BRIP1: variants seen among roughly 807,000 people sequenced by gnomAD.
BRIP1 encodes the protein Fanconi anemia group J protein.
A neutral mutation model predicts 119.7 loss-of-function variants in BRIP1; 88 were observed. The ratio of observed to expected loss-of-function variants is 0.74; its 90% CI spans 0.62 to 0.88. The LOEUF (loss-of-function observed/expected upper bound fraction) is 0.88. Among genes scored for constraint, BRIP1 ranks in the 40% least tolerant of loss-of-function variants. The pLI is 0.00. For missense variants in BRIP1, 1,259 were observed against 1,455.4 expected (o/e 0.87, Z 2.20); for synonymous variants, 443 against 496.5 (o/e 0.89, Z 1.43).
rs946151099 is a variant in BRIP1 at position 61,805,891 on chromosome 17, CA to C, written c.918+2575del. Among the ~76,000 whole-genome samples, 3 of 151,750 alleles carry C rather than the reference CA, an allele frequency of 2.0e-5. No individual in the cohort carries two copies. In the South Asian group the frequency reaches 6.2e-4, roughly 31 times the overall value. On this transcript the variant is annotated intron_variant, in intron 7 of 19. Transcript: ENST00000259008. This position sits in a 1 kb window ranked among gnomAD's most constrained non-coding sequence, Gnocchi z 5.6. Reference sequence around the variant, plus strand: ...ATGAGCTATTAAGTCTCATTTTAACCAAAAAAAGATATATATCTAAAATAAT... The same window carrying C: ...ATGAGCTATTAAGTCTCATTTTAACCAAAAAAGATATATATCTAAAATAAT...
chr17:61,807,684 TA>T lies in BRIP1; in HGVS notation c.918+782del, dbSNP rs2078094442. Reference sequence around the variant, plus strand: ...GTGAAAAACAAAACAACTCTAAAAATATATTAAAATATCATTGGTCACTTCA... The same window carrying T: ...GTGAAAAACAAAACAACTCTAAAAATTATTAAAATATCATTGGTCACTTCA... On this transcript the variant is annotated intron_variant, in intron 7 of 19. Transcript: ENST00000259008. This position sits in a 1 kb window ranked among gnomAD's most constrained non-coding sequence, Gnocchi z 4.5. Among the ~76,000 whole-genome samples the T allele has an allele frequency of 6.6e-6, 1 of 152,102 alleles. No homozygotes were observed. The highest frequency in any genetic ancestry group is 2.1e-4 in the South Asian group (1 of 4,830).
rs2077173845 is a variant in BRIP1 at position 61,754,467 on chromosome 17, A to G, written c.2098-9876T>C. On this transcript the variant is annotated intron_variant, in intron 14 of 19. Transcript: ENST00000259008. The surrounding 1 kb of genome is among the most constrained non-coding windows in gnomAD (Gnocchi z 4.1). ...ATGAGCACCCTCCAGCCCCCACCCAAAAAAATTCCAACCCCAGGATCCTCT... is the reference window on the plus strand; with the variant it reads ...ATGAGCACCCTCCAGCCCCCACCCAGAAAAATTCCAACCCCAGGATCCTCT... 6.6e-6 allele frequency among the ~76,000 whole-genome samples: 1 copy of G among 152,002 alleles called. No homozygotes were observed. The highest frequency in any genetic ancestry group is 1.9e-4 in the East Asian group (1 of 5,178).
At position 61,852,054 on chromosome 17, in the gene BRIP1, G is replaced by A. The variant is rs2078829895; in HGVS notation, c.380-2798C>T. On this transcript the variant is annotated intron_variant, in intron 4 of 19. Transcript: ENST00000259008. The surrounding 1 kb of genome is among the most constrained non-coding windows in gnomAD (Gnocchi z 4.9). Reference sequence around the variant, plus strand: ...CACTCAAAATGTTAATAGTGCCACTGTGGAGAAACTCTGTCCCAAATAAAT... The same window carrying A: ...CACTCAAAATGTTAATAGTGCCACTATGGAGAAACTCTGTCCCAAATAAAT... Among the ~76,000 whole-genome samples, 1 of 152,186 alleles carries A rather than the reference G, an allele frequency of 6.6e-6. No individual in the cohort carries two copies. Among genetic ancestry groups the A allele is most frequent in the Non-Finnish European group, 1.5e-5 (1 of 68,044 alleles).
intron 14 of BRIP1, among the ~76,000 whole-genome samples, chr17:61,773,283 C>G (rs2077486003): frequency 6.6e-6 from 1 of 152,068 alleles, no homozygotes; most frequent in African/African-American, 2.4e-5. Context: ...CAAAACCTGA[C>G]AAACTTGATA....
chr17:61,861,484 T>G lies in BRIP1; in HGVS notation c.56A>C (p.Tyr19Ser), dbSNP rs876660880. ...TIGGVKIYFPYKAYPSQLAMM... is the reference protein window; with the variant it reads ...TIGGVKIYFPSKAYPSQLAMM... Reference sequence around the variant, plus strand: ...AGCAAGCTGTGACGGGTAAGCTTTATAAGGAAAGTAAATCTTCACCCCACC... The same window carrying G: ...AGCAAGCTGTGACGGGTAAGCTTTAGAAGGAAAGTAAATCTTCACCCCACC... Residue 19 changes from tyrosine (Y) to serine (S), a missense_variant, in exon 2 of 20, where the codon TAT (tyrosine) becomes TCT (serine). By Grantham distance (144) the Tyr-to-Ser change is moderately radical. Coordinates refer to ENST00000259008, the MANE Select transcript of BRIP1 (RefSeq NM_032043.3). This position sits in a 1 kb window ranked among gnomAD's most constrained non-coding sequence, Gnocchi z 4.5. The G allele has an allele frequency of 6.2e-7, 1 of 1,613,466 alleles. No individual in the cohort carries two copies. Among genetic ancestry groups the G allele is most frequent in the Non-Finnish European group, 8.5e-7 (1 of 1,179,532 alleles).
rs766569933 is a variant in BRIP1, at chr17:61,808,425, T to G, written c.918+42A>C. ...ACACATACTGAGTAATTTAAATATTTTCAGCCTTATTTTTTCTCTAACACA... is the reference window on the plus strand; with the variant it reads ...ACACATACTGAGTAATTTAAATATTGTCAGCCTTATTTTTTCTCTAACACA... On this transcript the variant is annotated intron_variant, in intron 7 of 19. Transcript: ENST00000259008. This position sits in a 1 kb window ranked among gnomAD's most constrained non-coding sequence, Gnocchi z 4.1. 3.3e-5 allele frequency: 51 copies of G among 1,554,344 alleles called. No individual in the cohort carries two copies. The highest frequency in any genetic ancestry group is 4.3e-5 in the Non-Finnish European group (49 of 1,126,942).
Position 61,755,346 on chromosome 17 carries a change from G to C in BRIP1, c.2098-10755C>G, listed in dbSNP as rs1248257106. 6.6e-6 allele frequency among the ~76,000 whole-genome samples: 1 copy of C among 152,032 alleles called. No homozygotes were observed. The highest frequency in any genetic ancestry group is 2.1e-4 in the South Asian group (1 of 4,820). On this transcript the variant is annotated intron_variant, in intron 14 of 19. Transcript: ENST00000259008. The surrounding 1 kb of genome is among the most constrained non-coding windows in gnomAD (Gnocchi z 4.5). ...ATGCTGAGGCTGGAGGATCACTTGA[G>C]CCCAGGAGTTCAAGACCAGCCTGGG...
At position 61,861,129 on chromosome 17, in the gene BRIP1, T is replaced by C. The variant is rs1271185229; in HGVS notation, c.93+318A>G. ...TTTCTACATGATCCAAACAAAACAA[T>C]GGTGAGAAAAATAGTATTCTGTGTA... On this transcript the variant is annotated intron_variant, in intron 2 of 19. Transcript: ENST00000259008. This position sits in a 1 kb window ranked among gnomAD's most constrained non-coding sequence, Gnocchi z 4.5. Among the ~76,000 whole-genome samples, 2 of 152,112 alleles carry C rather than the reference T, an allele frequency of 1.3e-5. No homozygotes were observed. The highest frequency in any genetic ancestry group is 2.4e-5 in the African/African-American group (1 of 41,434).
At chr17:61,772,907 T>C (rs1419567350) in intron 14 of BRIP1, among the ~76,000 whole-genome samples, 1 of 145,614 alleles carries the variant, frequency 6.9e-6, no homozygotes, top group Non-Finnish European at 1.5e-5. Context: ...GAAAAATAAA[T>C]CAAAGACCTG....
At chr17:61,728,712 A>G (rs1432185388) in intron 16 of BRIP1, among the ~76,000 whole-genome samples, 1 of 152,210 alleles carries the variant, frequency 6.6e-6, no homozygotes, top group Non-Finnish European at 1.5e-5. Context: ...AGACAAATCA[A>G]ATTCCTAGGA....
At chr17:61,772,451 A>G (rs1037747053) in intron 14 of BRIP1, among the ~76,000 whole-genome samples, 1 of 151,934 alleles carries the variant, frequency 6.6e-6, no homozygotes, top group Non-Finnish European at 1.5e-5. Flanking sequence ...CTTATTTGGT[A>G]TGATGAAAGG....
In BRIP1 at chr17:61,851,235, GA is replaced by G. The variant is rs972171010; in HGVS notation, c.380-1980del. On this transcript the variant is annotated intron_variant, in intron 4 of 19. Transcript: ENST00000259008. This position sits in a 1 kb window ranked among gnomAD's most constrained non-coding sequence, Gnocchi z 4.6. Reference sequence around the variant, plus strand: ...AGAACGAGACTCCATCTCAAAAAAAGAAAAAAAAAGAAATGTTGCTTAAAAT... The same window carrying G: ...AGAACGAGACTCCATCTCAAAAAAAGAAAAAAAAGAAATGTTGCTTAAAAT... Among the ~76,000 whole-genome samples, 4 of 150,014 alleles carry G rather than the reference GA, an allele frequency of 2.7e-5. No individual in the cohort carries two copies. The highest frequency in any genetic ancestry group is 2.0e-4 in the East Asian group (1 of 5,126).
rs1413001597 is a variant in BRIP1 at position 61,740,277 on chromosome 17, C to T, written c.2379+2736G>A. Among the ~76,000 whole-genome samples, 3 of 152,094 alleles carry T rather than the reference C, an allele frequency of 2.0e-5. No homozygotes were observed. Among genetic ancestry groups the T allele is most frequent in the Non-Finnish European group, 2.9e-5 (2 of 68,024 alleles). ...GATGGACAAAAGACCCCAGGATTCC[C>T]CGGAGGAACCCATGAGTCTGTGGTT... On this transcript the variant is annotated intron_variant, in intron 16 of 19. Coordinates refer to ENST00000259008, the MANE Select transcript of BRIP1 (RefSeq NM_032043.3). The surrounding 1 kb of genome is among the most constrained non-coding windows in gnomAD (Gnocchi z 5.4).
chr17:61,773,530 T>A (rs906214585), intron 14 of BRIP1, among the ~76,000 whole-genome samples: 7 of 151,828 alleles, frequency 4.6e-5, no homozygotes, highest in Non-Finnish European at 1.0e-4. Flanking sequence ...AACGCCAAAA[T>A]CAATGACAAC....
intron 4 of BRIP1, 115 bp from the exon 5 acceptor site, chr17:61,849,371 C>T (rs2078784463): frequency 4.6e-6 from 4 of 862,436 alleles, no homozygotes; most frequent in Non-Finnish European, 5.4e-6. Flanking sequence ...ATACCATAAT[C>T]TAAAACATGA....
In BRIP1 at chr17:61,743,152, A is replaced by C. The variant is rs544273704; in HGVS notation, c.2258-18T>G. ...AGCTCCATCTTAAACAACAGAAAAA[A>C]GCATATCCAAAATTCTCAGAAATTG... is the stretch of plus-strand genomic sequence containing the variant. On this transcript the variant is annotated intron_variant, in intron 15 of 19. Transcript: ENST00000259008. The surrounding 1 kb of genome is among the most constrained non-coding windows in gnomAD (Gnocchi z 4.3). 2 of 1,613,612 alleles carry C rather than the reference A, an allele frequency of 1.2e-6. No homozygotes were observed. The highest frequency in any genetic ancestry group is 2.7e-5 in the African/African-American group (2 of 75,038).
chr17:61,748,527 G>C lies in BRIP1; in HGVS notation c.2098-3936C>G, dbSNP rs565516830. The stretch of plus-strand genomic sequence containing the variant: ...GAATAATCAAAACAATCTTGAGAAA[G>C]AACAACAAAGCTAGAGGCATCGTGC... On this transcript the variant is annotated intron_variant, in intron 14 of 19. Transcript: ENST00000259008. The surrounding 1 kb of genome is among the most constrained non-coding windows in gnomAD (Gnocchi z 4.7). 6.6e-6 allele frequency among the ~76,000 whole-genome samples: 1 copy of C among 152,240 alleles called. No individual in the cohort carries two copies. Among genetic ancestry groups the C allele is most frequent in the African/African-American group, 2.4e-5 (1 of 41,552 alleles).
Position 61,742,987 on chromosome 17 carries a change from TA to T in BRIP1, c.2379+25del. The T allele has an allele frequency of 6.2e-7, 1 of 1,612,720 alleles. No homozygotes were observed. The highest frequency in any genetic ancestry group is 8.5e-7 in the Non-Finnish European group (1 of 1,178,916). On this transcript the variant is annotated intron_variant, in intron 16 of 19. Transcript: ENST00000259008. This position sits in a 1 kb window ranked among gnomAD's most constrained non-coding sequence, Gnocchi z 4.7. ...ACAAAACCAATGACTCCTGTAATAA[TA>T]AAACTTAAGGTTTTGATGGCCTACC... is the stretch of plus-strand genomic sequence containing the variant.
rs778826728 is a variant in BRIP1 at position 61,861,430 on chromosome 17, T to C, written c.93+17A>G. On this transcript the variant is annotated intron_variant, in intron 2 of 19. Transcript: ENST00000259008. The surrounding 1 kb of genome is among the most constrained non-coding windows in gnomAD (Gnocchi z 4.5). ...ATCTATATCTTAATAAAAACTTAAC[T>C]GCTGAAAAATACTTACAGAATTCAT... 4 of 1,558,500 alleles carry C rather than the reference T, an allele frequency of 2.6e-6. No individual in the cohort carries two copies. The East Asian group carries it at 6.7e-5, about 26-fold the overall frequency.
Sources: allele counts gnomAD v4.1 joint callset (sites outside exome capture counted in the v4.1 genomes callset), GRCh38; gene constraint gnomAD v4.1.1; non-coding constraint Gnocchi (gnomAD v3.1); transcripts MANE v1.5; gene names NCBI Gene and HGNC (gene_info 2026-07-23, HGNC 2026-07-21).